Variants in CDH18 observed in about 807,000 individuals in gnomAD.
CDH18 encodes cadherin-18.
In CDH18, 31 loss-of-function variants were observed where a neutral mutation model predicts 67.9. The ratio of observed to expected loss-of-function variants is 0.46; its 90% CI spans 0.34 to 0.62. The LOEUF (loss-of-function observed/expected upper bound fraction) is 0.62, where lower values mean the gene tolerates loss of function less well. CDH18 is among the 20% of genes least tolerant of loss of function. The probability of loss-of-function intolerance (pLI) is 0.01; values close to 1 mark genes in which losing one functional copy is unlikely to be tolerated. For synonymous variants in CDH18, 362 were observed against 347.2 expected, an observed-to-expected ratio of 1.04 and a Z score of -0.48; for missense variants, 890 against 975.5, an observed-to-expected ratio of 0.91 and a Z score of 1.17.
In CDH18 at chr5:20,157,342, T is replaced by C. The variant is rs142587625; in HGVS notation, c.-518+98102A>G. Among the ~76,000 whole-genome samples the C allele has an allele frequency of 8.3e-4, 127 of 152,302 alleles. 1 individual carries two copies. Among genetic ancestry groups the C allele is most frequent in the Admixed American group, 2.5e-3 (38 of 15,292 alleles). On this transcript the variant is annotated intron_variant, in intron 2 of 14. Coordinates refer to the CDH18 transcript ENST00000507958. The stretch of plus-strand genomic sequence containing the variant: ...TTGAAGAATGTAAACAATGTTTTCT[T>C]GTTATTATAAAGTGCAATGGAATGC...
At chr5:20,033,128 T>G (rs1054825040) in intron 2 of CDH18, among the ~76,000 whole-genome samples, 1 of 151,964 alleles carries the variant, frequency 6.6e-6, no homozygotes, top group Non-Finnish European at 1.5e-5. Flanking sequence ...CTGCAATGCA[T>G]GCTTAGTCAG....
chr5:19,959,767 C>T (rs985847977), intron 2 of CDH18, among the ~76,000 whole-genome samples: 1 of 152,028 alleles, frequency 6.6e-6, no homozygotes, highest in East Asian at 1.9e-4. Context: ...TGATTTCATT[C>T]TTGTATGAAC....
At chr5:20,064,042 T>C (rs1376518796) in intron 2 of CDH18, among the ~76,000 whole-genome samples, 6 of 152,224 alleles carry the variant, frequency 3.9e-5, no homozygotes, top group Admixed American at 3.9e-4. Context: ...TGTTGTATTG[T>C]AATTTGTTAT....
At chr5:20,339,867 G>A (rs60768277) in intron 1 of CDH18, among the ~76,000 whole-genome samples, 8,048 of 152,208 alleles carry the variant, frequency 0.053, 685 homozygotes, top group African/African-American at 0.18. Flanking sequence ...AACCCTGACT[G>A]CTGCTGAAAA....
chr5:19,852,419 G>A lies in CDH18; in HGVS notation c.-256-13177C>T, dbSNP rs1366218637. Among the ~76,000 whole-genome samples the A allele has an allele frequency of 1.4e-4, 22 of 151,968 alleles. No individual in the cohort carries two copies. The South Asian group carries it at 2.7e-3, about 19-fold the overall frequency. ...TTAGCATCATCAGTAAACAGTAACC[G>A]TTCTCATTGTTTACTTTTGGGGAGG... On this transcript the variant is annotated intron_variant, in intron 2 of 12. Transcript: ENST00000382275.
intron 2 of CDH18, among the ~76,000 whole-genome samples, chr5:19,974,680 T>C (rs1798342504): frequency 1.3e-5 from 2 of 151,974 alleles, no homozygotes; most frequent in Admixed American, 1.3e-4. Context: ...TAGCAGGCAT[T>C]GTCCTTCATT....
chr5:20,145,638 C>T (rs1244491384), intron 2 of CDH18, among the ~76,000 whole-genome samples: 1 of 152,112 alleles, frequency 6.6e-6, no homozygotes, highest in Non-Finnish European at 1.5e-5. Context: ...ATAGCCTTTC[C>T]AAGTAGATAC....
At chr5:19,765,793 T>A (rs116144750) in intron 3 of CDH18, among the ~76,000 whole-genome samples, 1 of 152,116 alleles carries the variant, frequency 6.6e-6, no homozygotes, top group African/African-American at 2.4e-5. Context: ...CTCTCCACAT[T>A]GAAATAAAAA....
intron 1 of CDH18, among the ~76,000 whole-genome samples, chr5:20,450,952 T>A (rs1340001783): frequency 6.6e-6 from 1 of 152,152 alleles, no homozygotes; most frequent in Non-Finnish European, 1.5e-5. Context: ...ATATTCTTTA[T>A]AAAACCATCA....
At chr5:20,116,643 C>A (rs1286041840) in intron 2 of CDH18, among the ~76,000 whole-genome samples, 1 of 152,114 alleles carries the variant, frequency 6.6e-6, no homozygotes, top group Non-Finnish European at 1.5e-5. Flanking sequence ...CAATTTACTT[C>A]TTTTCTAATA....
At chr5:19,557,108 G>C (rs900515997) in intron 8 of CDH18, among the ~76,000 whole-genome samples, 3 of 151,988 alleles carry the variant, frequency 2.0e-5, no homozygotes, top group Non-Finnish European at 2.9e-5. Context: ...CCACTACCAA[G>C]CCAGCACTAC....
At chr5:20,332,660 A>G (rs1344038374) in intron 1 of CDH18, among the ~76,000 whole-genome samples, 3 of 152,262 alleles carry the variant, frequency 2.0e-5, no homozygotes, top group African/African-American at 7.2e-5. Context: ...AGTAACAAAA[A>G]TGTCATTAAA....
intron 2 of CDH18, among the ~76,000 whole-genome samples, chr5:19,962,701 G>C (rs536456955): frequency 2.6e-5 from 4 of 151,986 alleles, no homozygotes; most frequent in Non-Finnish European, 4.4e-5. Context: ...TATTGAACCT[G>C]GGAGGCGGAG....
intron 2 of CDH18, among the ~76,000 whole-genome samples, chr5:20,107,725 T>G (rs878865388): frequency 6.6e-6 from 1 of 152,164 alleles, no homozygotes; most frequent in Non-Finnish European, 1.5e-5. Flanking sequence ...CTTTTTTCTG[T>G]GCTTCTGCAT....
intron 2 of CDH18, among the ~76,000 whole-genome samples, chr5:20,213,799 T>C (rs1561882494): frequency 6.6e-6 from 1 of 152,030 alleles, no homozygotes; most frequent in Non-Finnish European, 1.5e-5. Flanking sequence ...GTCTAGCTAG[T>C]AGTCTATTTT....
intron 1 of CDH18, among the ~76,000 whole-genome samples, chr5:20,553,877 T>C (rs1581191970): frequency 6.6e-6 from 1 of 152,210 alleles, no homozygotes; most frequent in East Asian, 1.9e-4. Flanking sequence ...ATCGGGATTA[T>C]TGTCTTTTAC....
At chr5:19,691,334 G>A (rs1322888426) in intron 5 of CDH18, among the ~76,000 whole-genome samples, 2 of 151,754 alleles carry the variant, frequency 1.3e-5, no homozygotes, top group African/African-American at 4.8e-5. Flanking sequence ...ACTGGAAAAA[G>A]ACAAGATGCC....
In CDH18 at chr5:20,484,540, A is replaced by C. The variant is rs531860426; in HGVS notation, c.-580+90922T>G. Among the ~76,000 whole-genome samples the C allele has an allele frequency of 3.1e-4, 47 of 152,254 alleles. No individual in the cohort carries two copies. The South Asian group carries it at 9.7e-3, about 32-fold the overall frequency. Reference sequence around the variant, plus strand: ...TTTGAAGGCAGCCTATGTGTCCAACAACAGATGAATGGATAAAGAAAATAT... The same window carrying C: ...TTTGAAGGCAGCCTATGTGTCCAACCACAGATGAATGGATAAAGAAAATAT... On this transcript the variant is annotated intron_variant, in intron 1 of 14. Coordinates refer to the CDH18 transcript ENST00000507958.
chr5:20,372,913 G>T (rs1743121910), intron 1 of CDH18, among the ~76,000 whole-genome samples: 1 of 152,016 alleles, frequency 6.6e-6, no homozygotes, highest in African/African-American at 2.4e-5. Flanking sequence ...ACGTCTAAGA[G>T]ATTTGGGGAA....
Sources: gnomAD v4.1 joint callset for allele counts (sites outside exome capture counted in the v4.1 genomes callset) on GRCh38, gnomAD v4.1.1 for gene constraint, MANE v1.5 for transcripts, NCBI Gene and HGNC (gene_info 2026-07-23, HGNC 2026-07-21) for gene names.